FAM186B: variants seen among roughly 807,000 people sequenced by gnomAD.
FAM186B encodes family with sequence similarity 186 member B, also known as protein FAM186B.
Under a neutral mutation model 83.4 loss-of-function variants are expected in FAM186B, and 68 were observed. The observed-to-expected ratio is 0.81, with a 90% CI of 0.67 to 1.00. FAM186B has a LOEUF of 1.00. Ranked by LOEUF, FAM186B falls within the 50% of genes least tolerant of loss-of-function variation. The pLI, the probability that FAM186B is intolerant of heterozygous loss-of-function variation, is 0.00. For missense variants in FAM186B, 983 were observed against 1,099.2 expected (o/e 0.89, Z 1.49); for synonymous variants, 389 against 422.0 (o/e 0.92, Z 0.96).
chr12:49,584,643 G>C (rs140600991), downstream of FAM186B: 12,360 of 702,154 alleles, frequency 0.018, 147 homozygotes, highest in Middle Eastern at 0.028. Context: ...TTACAGGTGG[G>C]GGAGTAACTG....
At position 49,604,424 on chromosome 12, in the gene FAM186B, G is replaced by T. The variant is rs776072896; in HGVS notation, c.211C>A (p.Pro71Thr). ...AAGATGAATCTCTTCTTGCCCTTTGGATCTCTCTGCTGAGATTTGGCATTT... is the reference window on the plus strand; with the variant it reads ...AAGATGAATCTCTTCTTGCCCTTTGTATCTCTCTGCTGAGATTTGGCATTT... Reference protein sequence around the residue: ...KENAKSQQRDPKGKKRFILLE... With the variant: ...KENAKSQQRDTKGKKRFILLE... The change falls in exon 2 of 7, where the codon CCA (proline) becomes ACA (threonine). Residue 71 changes from proline to threonine, a missense_variant. Pro to Thr is a conservative substitution (Grantham distance 38). Transcript: ENST00000257894. The T allele has an allele frequency of 3.7e-6, 6 of 1,614,184 alleles. No homozygotes were observed. Among genetic ancestry groups the T allele is most frequent in the Non-Finnish European group, 8.5e-7 (1 of 1,180,016 alleles).
At chr12:49,598,996 C>A (rs1331854080) in intron 4 of FAM186B, 49 bp from the exon 5 acceptor site, 6 of 1,561,382 alleles carry the variant, frequency 3.8e-6, no homozygotes, top group Non-Finnish European at 5.3e-6. Flanking sequence ...CCTCCTCTAT[C>A]CCCCAAGTCT....
downstream of FAM186B, among the ~76,000 whole-genome samples, chr12:49,587,052 C>T (rs1939460293): frequency 6.6e-6 from 1 of 152,168 alleles, no homozygotes; most frequent in African/African-American, 2.4e-5. Context: ...CCTTGAGCCT[C>T]CAGTAGTGAC....
At chr12:49,595,983 C>G (rs924745985) in intron 5 of FAM186B, among the ~76,000 whole-genome samples, 2 of 151,818 alleles carry the variant, frequency 1.3e-5, no homozygotes, top group Admixed American at 6.6e-5. Context: ...GACTCCGTCT[C>G]AAAAAAATAA....
chr12:49,613,526 CAA>C, the FAM186B span, among the ~76,000 whole-genome samples: 27 of 102,710 alleles, frequency 2.6e-4, no homozygotes, highest in African/African-American at 5.5e-4. Flanking sequence ...GACTCCATCT[CAA>C]AAAAAAAAAA....
intron 1 of FAM186B, 126 bp downstream of exon 1, chr12:49,605,256 C>G: frequency 1.3e-6 from 2 of 1,527,206 alleles, no homozygotes; most frequent in Non-Finnish European, 1.8e-6. Flanking sequence ...GTCTGCAGAC[C>G]CAGGTTGCTG....
rs375978412 is a variant in FAM186B, at chr12:49,588,541, G to C, written c.2447C>G (p.Ser816Ter). The change falls in exon 6 of 7, where the codon TCA becomes TGA. Residue 816 changes from serine to a stop codon, truncating the protein, a stop_gained. Coordinates refer to ENST00000257894, the MANE Select transcript of FAM186B (RefSeq NM_032130.3). LOFTEE classifies it high-confidence loss of function. The stretch of plus-strand genomic sequence containing the variant: ...GCCACTGGGGCGGATGTGCCGGGGT[G>C]AGGCTGCAGGCAACTTGCATTTCTT... ...KPKKCKLPAASPRHIRPSGPT... is the reference protein window; with the variant it reads ...KPKKCKLPAA 2.4e-5 allele frequency: 38 copies of C among 1,613,080 alleles called. No individual in the cohort carries two copies. Among genetic ancestry groups the C allele is most frequent in the Non-Finnish European group, 3.2e-5 (38 of 1,179,430 alleles).
In FAM186B at chr12:49,600,135, T is replaced by C. The variant is rs776499332; in HGVS notation, c.1505A>G (p.Gln502Arg). Residue 502 changes from glutamine (Q) to arginine (R), a missense_variant, in exon 4 of 7, where the codon CAG becomes CGG. Physicochemically the swap from Gln to Arg is conservative, Grantham distance 43. Coordinates refer to ENST00000257894, the MANE Select transcript of FAM186B (RefSeq NM_032130.3). This position sits in a 1 kb window ranked among gnomAD's most constrained non-coding sequence, Gnocchi z 4.3. ...CAGCAGGGCCCACTTCTTCTGCCGC[T>C]GCTGCCACATCTCCTCCTCCTCCAG... ...LWLEEEEMWQ[Q>R]RQKKWALLEQ... is the part of the protein sequence containing the mutation. The C allele has an allele frequency of 3.6e-5, 58 of 1,613,628 alleles. No individual in the cohort carries two copies. The highest frequency in any genetic ancestry group is 4.7e-5 in the Non-Finnish European group (56 of 1,179,816).
At chr12:49,595,413 G>T in intron 5 of FAM186B, 2 of 523,980 alleles carry the variant, frequency 3.8e-6, no homozygotes. Context: ...AGGAAAACCA[G>T]AAGGGCCTTA....
At chr12:49,622,331 G>A in the FAM186B span, among the ~76,000 whole-genome samples, 2 of 152,138 alleles carry the variant, frequency 1.3e-5, no homozygotes, top group Admixed American at 6.5e-5. Context: ...GCAGTACAGG[G>A]AGACGTCGTC....
chr12:49,612,367 GTTT>G, the FAM186B span, among the ~76,000 whole-genome samples: 1 of 134,008 alleles, frequency 7.5e-6, no homozygotes, highest in African/African-American at 2.7e-5. Flanking sequence ...ATCCAACAAA[GTTT>G]TTTTTTTTTT....
At chr12:49,619,702 GTCT>G in the FAM186B span, 1 of 359,426 alleles carries the variant, frequency 2.8e-6, no homozygotes, top group African/African-American at 2.8e-5. Flanking sequence ...TTGAGATGGA[GTCT>G]TGCTCTGTTG....
intron 3 of FAM186B, 35 bp from the exon 4 acceptor site, chr12:49,601,169 C>A: frequency 1.3e-6 from 2 of 1,519,224 alleles, no homozygotes; most frequent in East Asian, 4.5e-5. Context: ...TCAACGATTT[C>A]TCATGGGTCC....
chr12:49,622,148 C>T, the FAM186B span, among the ~76,000 whole-genome samples: 2 of 152,240 alleles, frequency 1.3e-5, no homozygotes, highest in African/African-American at 4.8e-5. Context: ...GCTGGCATCG[C>T]GGCAGCCCCC....
At position 49,605,510 on chromosome 12, in the gene FAM186B, G is replaced by A. The variant is rs1939999257; in HGVS notation, c.-33C>T. ...CACTCTGTCAGTCACAAAACATCCT[G>A]TGTTTCTGGTCCACAGGCCTGGACA... On this transcript the variant is annotated 5_prime_UTR_variant, in exon 1 of 7. Coordinates refer to ENST00000257894, the MANE Select transcript of FAM186B (RefSeq NM_032130.3). 6.2e-7 allele frequency: 1 copy of A among 1,601,962 alleles called. No homozygotes were observed. The highest frequency in any genetic ancestry group is 8.5e-7 in the Non-Finnish European group (1 of 1,173,506).
chr12:49,600,603 G>T lies in FAM186B; in HGVS notation c.1037C>A (p.Thr346Asn), dbSNP rs772666358. 4 of 1,612,278 alleles carry T rather than the reference G, an allele frequency of 2.5e-6. No homozygotes were observed. Among genetic ancestry groups the T allele is most frequent in the Non-Finnish European group, 3.4e-6 (4 of 1,179,000 alleles). ...VDSPGPSERETLPRKETVMEE... is the reference protein window; with the variant it reads ...VDSPGPSERENLPRKETVMEE... ...CATGACTGTTTCTTTCCTTGGGAGG[G>T]TCTCTCTCTCAGAGGGACCTGGGGA... The change falls in exon 4 of 7, where the codon ACC (threonine) becomes AAC (asparagine). Residue 346 changes from threonine (T) to asparagine (N), a missense_variant. Coordinates refer to ENST00000257894, the MANE Select transcript of FAM186B (RefSeq NM_032130.3). The surrounding 1 kb of genome is among the most constrained non-coding windows in gnomAD (Gnocchi z 4.3).
the FAM186B span, among the ~76,000 whole-genome samples, chr12:49,613,094 C>A: frequency 6.6e-6 from 1 of 152,162 alleles, no homozygotes; most frequent in African/African-American, 2.4e-5. Context: ...CAAAACCACA[C>A]AATTACATAG....
chr12:49,604,764 G>A, intron 1 of FAM186B: 1 of 454,808 alleles, frequency 2.2e-6, no homozygotes, highest in Middle Eastern at 5.8e-4. Flanking sequence ...ACACAAAAGT[G>A]GTAGCTTTTA....
At chr12:49,619,591 A>T in the FAM186B span, 1 of 654,470 alleles carries the variant, frequency 1.5e-6, no homozygotes, top group African/African-American at 1.8e-5. Flanking sequence ...TGTATCGGGA[A>T]TTCTGGGCAA....
Sources: gnomAD v4.1 joint callset for allele counts (sites outside exome capture counted in the v4.1 genomes callset) on GRCh38, gnomAD v4.1.1 for gene constraint, Gnocchi (gnomAD v3.1) non-coding constraint, MANE v1.5 for transcripts, NCBI Gene and HGNC (gene_info 2026-07-23, HGNC 2026-07-21) for gene names.